MROH1: variants seen among roughly 807,000 people sequenced by gnomAD.
MROH1 encodes maestro heat like repeat family member 1, also known as maestro heat-like repeat-containing protein family member 1.
MROH1 carries 117 observed loss-of-function variants against 116.5 expected under a neutral mutation model. The ratio of observed to expected loss-of-function variants is 1.00; its 90% CI spans 0.86 to 1.17. The LOEUF is 1.17. Ranked by LOEUF, MROH1 falls within the 50% of genes most tolerant of loss-of-function variation. The pLI is 0.00. For missense variants in MROH1, 1,873 were observed against 1,338.5 expected, an observed-to-expected ratio of 1.40 and a Z score of -6.23; for synonymous variants, 921 against 583.9, an observed-to-expected ratio of 1.58 and a Z score of -8.32.
chr8:144,206,702 G>T (rs1418887632), intron 12 of MROH1, among the ~76,000 whole-genome samples: 1 of 151,088 alleles, frequency 6.6e-6, no homozygotes, highest in Admixed American at 6.6e-5. Flanking sequence ...GGGATTATAG[G>T]CATGAGCCAC....
intron 10 of MROH1, among the ~76,000 whole-genome samples, chr8:144,194,342 C>T (rs1308156877): frequency 6.6e-6 from 1 of 152,158 alleles, no homozygotes; most frequent in Non-Finnish European, 1.5e-5. Flanking sequence ...GGATTACAGG[C>T]GTGAGCCACT....
intron 14 of MROH1, among the ~76,000 whole-genome samples, chr8:144,227,656 A>T (rs1268384742): frequency 5.3e-5 from 8 of 149,554 alleles, no homozygotes; most frequent in African/African-American, 2.0e-4. Context: ...CACACACAAA[A>T]AGTTGAATGC....
At chr8:144,199,242 A>G in intron 11 of MROH1, 42 bp downstream of exon 11, 1 of 1,587,934 alleles carries the variant, frequency 6.3e-7, no homozygotes, top group African/African-American at 1.3e-5. Context: ...ATCTGTGGAC[A>G]CTCACAGGGT....
At chr8:144,212,938 A>T in intron 12 of MROH1, 1 of 734,574 alleles carries the variant, frequency 1.4e-6, no homozygotes, top group Non-Finnish European at 2.6e-6. Flanking sequence ...CCAGTTCTCA[A>T]GGTTAATAGA....
In MROH1 at chr8:144,210,684, GTC is replaced by G. The variant is rs58517848; in HGVS notation, c.1142-9900_1142-9899del. 9.3e-3 allele frequency among the ~76,000 whole-genome samples: 1,405 copies of G among 151,388 alleles called. 21 individuals are homozygous for G. The highest frequency in any genetic ancestry group is 0.032 in the African/African-American group (1,329 of 41,132). On this transcript the variant is annotated intron_variant, in intron 12 of 43. Coordinates refer to ENST00000326134, the MANE Select transcript of MROH1 (RefSeq NM_032450.3). ...AGCCTGGGTGACAGATGGAGACTCTGTCTCTCTCTCTCTCTCTATCTCTCTAT... is the reference window on the plus strand; with the variant it reads ...AGCCTGGGTGACAGATGGAGACTCTGTCTCTCTCTCTCTCTATCTCTCTAT...
chr8:144,168,332 G>A lies in MROH1; in HGVS notation c.60G>A (p.Lys20=), dbSNP rs1439243195. Residue 20 remains lysine (K), a synonymous_variant, in exon 4 of 44, where the codon AAG becomes AAA. Coordinates refer to ENST00000326134, the MANE Select transcript of MROH1 (RefSeq NM_032450.3). ...CCCTGCTGGACGCCATCACCGATAA[G>A]GACCCCCTGGTGCAGGAGCAGGTCT... ...ASTLLDAITD[K]DPLVQEQVCS... The A allele has an allele frequency of 1.9e-6, 3 of 1,609,780 alleles. No individual in the cohort carries two copies. In the African/African-American group the frequency reaches 4.0e-5, roughly 21 times the overall value.
chr8:144,201,651 G>A (rs919122141), intron 12 of MROH1, among the ~76,000 whole-genome samples: 10 of 152,218 alleles, frequency 6.6e-5, no homozygotes, highest in African/African-American at 2.2e-4. Context: ...CCAGTCAGCT[G>A]CTGGGTTGCA....
At chr8:144,177,352 C>T (rs1375254978) in intron 4 of MROH1, among the ~76,000 whole-genome samples, 2 of 152,180 alleles carry the variant, frequency 1.3e-5, no homozygotes, top group Non-Finnish European at 2.9e-5. Context: ...CATGCCAGGG[C>T]CAAGTGCGTG....
intron 4 of MROH1, 131 bp downstream of exon 4, chr8:144,168,571 C>A: frequency 9.4e-7 from 1 of 1,059,652 alleles, no homozygotes; most frequent in African/African-American, 1.6e-5. Context: ...CATGTCTAAC[C>A]CCCTCCACAC....
intron 32 of MROH1, among the ~76,000 whole-genome samples, chr8:144,249,564 C>T (rs1842493121): frequency 6.6e-6 from 1 of 152,154 alleles, no homozygotes; most frequent in South Asian, 2.1e-4. Flanking sequence ...AGGCCGTCCC[C>T]CAGAGTGAGG....
At chr8:144,153,995 C>T (rs903725485) in intron 1 of MROH1, among the ~76,000 whole-genome samples, 5,705 of 152,188 alleles carry the variant, frequency 0.037, 388 homozygotes, top group African/African-American at 0.13. Flanking sequence ...CTCTTGACCT[C>T]GTGATCCGCC....
In MROH1 at chr8:144,168,539, G is replaced by A. The variant is rs770204430; in HGVS notation, c.168+99G>A. ...ACAGTCCAGCCAGGAGCAGTGGGTCGGGTGTTACGCAGGGGTGGCCACATG... is the reference window on the plus strand; with the variant it reads ...ACAGTCCAGCCAGGAGCAGTGGGTCAGGTGTTACGCAGGGGTGGCCACATG... On this transcript the variant is annotated intron_variant, in intron 4 of 43. Coordinates refer to ENST00000326134, the MANE Select transcript of MROH1 (RefSeq NM_032450.3). 757 of 1,439,056 alleles carry A rather than the reference G, an allele frequency of 5.3e-4. 1 individual carries two copies. Among genetic ancestry groups the A allele is most frequent in the Non-Finnish European group, 6.3e-4 (677 of 1,070,622 alleles). 89.1% of individuals were successfully genotyped at this position (1,439,056 alleles called of 1,614,324 possible). A position where few individuals can be genotyped will look rare whatever the true frequency, so the allele number is the denominator to read the frequency against.
chr8:144,156,677 C>T (rs1818174327), intron 1 of MROH1, among the ~76,000 whole-genome samples: 1 of 128,078 alleles, frequency 7.8e-6, no homozygotes, highest in African/African-American at 3.0e-5. Flanking sequence ...CCATTGCACT[C>T]CAGCCTGGGT....
chr8:144,249,396 C>T (rs1435687826), intron 32 of MROH1, among the ~76,000 whole-genome samples: 1 of 152,154 alleles, frequency 6.6e-6, no homozygotes, highest in Non-Finnish European at 1.5e-5. Context: ...TAGGGAGAGG[C>T]AAGCCTGACC....
intron 7 of MROH1, among the ~76,000 whole-genome samples, chr8:144,188,819 G>A (rs72695456): frequency 0.011 from 1,622 of 152,134 alleles, 19 homozygotes; most frequent in African/African-American, 0.027. Flanking sequence ...TGAATAACTC[G>A]TCCCAGGCCA....
chr8:144,253,595 C>T (rs1256883763), intron 33 of MROH1, among the ~76,000 whole-genome samples: 5 of 152,178 alleles, frequency 3.3e-5, no homozygotes, highest in Non-Finnish European at 7.4e-5. Context: ...CCCTCCTGTG[C>T]ATTTGTCCAC....
chr8:144,202,017 CCA>C (rs1491213668), intron 12 of MROH1, among the ~76,000 whole-genome samples: 13 of 52,778 alleles, frequency 2.5e-4, no homozygotes, highest in Admixed American at 4.3e-4. Context: ...GACTCCGTCT[CCA>C]AAAAAAAAAA....
At chr8:144,198,986 G>T (rs553300472) in intron 10 of MROH1, 136 bp from the exon 11 acceptor site, 7 of 739,414 alleles carry the variant, frequency 9.5e-6, no homozygotes, top group Non-Finnish European at 9.3e-6. Flanking sequence ...AGCCTGGAGC[G>T]CCCGCTGCAT....
At chr8:144,209,699 A>C (rs1833671273) in intron 12 of MROH1, among the ~76,000 whole-genome samples, 1 of 152,048 alleles carries the variant, frequency 6.6e-6, no homozygotes, top group Non-Finnish European at 1.5e-5. Flanking sequence ...GCTTTATCCT[A>C]GGAGCTTCAG....
Sources: allele counts gnomAD v4.1 joint callset (sites outside exome capture counted in the v4.1 genomes callset), GRCh38; gene constraint gnomAD v4.1.1; transcripts MANE v1.5; gene names NCBI Gene and HGNC (gene_info 2026-07-23, HGNC 2026-07-21).